GABBR2: variants seen among roughly 807,000 people sequenced by gnomAD.
The protein encoded by GABBR2 is gamma-aminobutyric acid type B receptor subunit 2.
A neutral mutation model predicts 105.6 loss-of-function variants in GABBR2; 23 were observed. The observed-to-expected ratio is 0.22, with a 90% CI of 0.16 to 0.31. The LOEUF is 0.31. Among genes scored for constraint, GABBR2 ranks in the 10% least tolerant of loss-of-function variants. The pLI is 1.00. For missense variants in GABBR2, 734 were observed against 1,245.5 expected (o/e 0.59, Z 6.18); for synonymous variants, 478 against 499.7 (o/e 0.96, Z 0.58).
intron 8 of GABBR2, among the ~76,000 whole-genome samples, chr9:98,394,485 C>T (rs920229736): frequency 6.6e-6 from 1 of 152,238 alleles, no homozygotes; most frequent in Non-Finnish European, 1.5e-5. Flanking sequence ...CTTTGCTTCA[C>T]ACCTCAAAGA....
At chr9:98,455,664 C>T (rs1160163566) in intron 6 of GABBR2, among the ~76,000 whole-genome samples, 1 of 152,210 alleles carries the variant, frequency 6.6e-6, no homozygotes, top group Non-Finnish European at 1.5e-5. Context: ...TTGAAAACCA[C>T]CACAAGTTGT....
At chr9:98,356,673 G>A (rs1044162464) in intron 13 of GABBR2, among the ~76,000 whole-genome samples, 1 of 152,160 alleles carries the variant, frequency 6.6e-6, no homozygotes, top group East Asian at 1.9e-4. Flanking sequence ...TTATCCAAAT[G>A]AATTGAAAAT....
At chr9:98,698,065 A>G (rs1267937111) in intron 1 of GABBR2, among the ~76,000 whole-genome samples, 2 of 152,238 alleles carry the variant, frequency 1.3e-5, no homozygotes, top group Non-Finnish European at 2.9e-5. Flanking sequence ...AGTCAAGTGG[A>G]TCATAAGAAG....
At chr9:98,576,473 T>C (rs1338868341) in intron 2 of GABBR2, among the ~76,000 whole-genome samples, 1 of 152,144 alleles carries the variant, frequency 6.6e-6, no homozygotes, top group African/African-American at 2.4e-5. Context: ...TCACTATATA[T>C]CTCATCACCC....
rs1473671543 is a variant in GABBR2 at position 98,293,849 on chromosome 9, A to G, written c.2596T>C (p.Trp866Arg). The stretch of plus-strand genomic sequence containing the variant: ...GTTCGAGAGGGCTCTGTTGTGTTCC[A>G]CTGTAGCTGGGGATTTTGATCGAGG... ...NHLDQNPQLQWNTTEPSRTCK... is the reference protein window; with the variant it reads ...NHLDQNPQLQRNTTEPSRTCK... The change falls in exon 18 of 19, where the codon TGG becomes CGG. Residue 866 changes from tryptophan to arginine, a missense_variant. Transcript: ENST00000259455. The G allele has an allele frequency of 6.2e-7, 1 of 1,613,334 alleles. No homozygotes were observed.
intron 8 of GABBR2, among the ~76,000 whole-genome samples, 186 bp downstream of exon 8, chr9:98,405,895 C>T (rs1450187728): frequency 2.7e-5 from 4 of 146,280 alleles, no homozygotes; most frequent in Non-Finnish European, 4.5e-5. Context: ...GATCATGATG[C>T]GGCTGAGAAA....
intron 1 of GABBR2, among the ~76,000 whole-genome samples, chr9:98,641,966 C>T (rs1829969108): frequency 6.6e-6 from 1 of 152,082 alleles, no homozygotes; most frequent in African/African-American, 2.4e-5. Context: ...AGAACAGGGG[C>T]GATTCGAGGA....
chr9:98,408,891 G>A (rs900900167), intron 7 of GABBR2, among the ~76,000 whole-genome samples: 29 of 152,276 alleles, frequency 1.9e-4, no homozygotes, highest in African/African-American at 5.1e-4. Context: ...GGGTTCAGGC[G>A]ACCCTCCTGC....
At chr9:98,659,763 C>T (rs1009638197) in intron 1 of GABBR2, among the ~76,000 whole-genome samples, 2 of 151,814 alleles carry the variant, frequency 1.3e-5, no homozygotes, top group Non-Finnish European at 2.9e-5. Flanking sequence ...TCAAGTGATC[C>T]GCCCACCTCG....
intron 7 of GABBR2, among the ~76,000 whole-genome samples, chr9:98,406,761 G>C (rs1832497770): frequency 6.6e-6 from 1 of 152,184 alleles, no homozygotes; most frequent in Non-Finnish European, 1.5e-5. Flanking sequence ...CCCTCATTAG[G>C]GACCTTGGGG....
chr9:98,643,229 C>T (rs1213091049), intron 1 of GABBR2, among the ~76,000 whole-genome samples: 2 of 152,226 alleles, frequency 1.3e-5, no homozygotes, highest in African/African-American at 4.8e-5. Flanking sequence ...CTGTGAGATC[C>T]TAGCAGAGGG....
At chr9:98,524,994 C>T (rs1827930984) in intron 3 of GABBR2, among the ~76,000 whole-genome samples, 1 of 152,164 alleles carries the variant, frequency 6.6e-6, no homozygotes, top group Non-Finnish European at 1.5e-5. Context: ...CCTTACCTCA[C>T]ACCAAATATA....
At chr9:98,630,450 T>A (rs570128901) in intron 1 of GABBR2, among the ~76,000 whole-genome samples, 1 of 152,194 alleles carries the variant, frequency 6.6e-6, no homozygotes, top group African/African-American at 2.4e-5. Flanking sequence ...TGTGGATACC[T>A]GGCATCAGGT....
chr9:98,352,373 G>A (rs975537779), intron 13 of GABBR2, among the ~76,000 whole-genome samples: 1 of 152,226 alleles, frequency 6.6e-6, no homozygotes, highest in African/African-American at 2.4e-5. Context: ...TGGCAGAAGA[G>A]GTGGCTGGTC....
chr9:98,587,472 A>T (rs1392555054), intron 1 of GABBR2, among the ~76,000 whole-genome samples: 2 of 152,210 alleles, frequency 1.3e-5, no homozygotes, highest in Non-Finnish European at 2.9e-5. Flanking sequence ...GAAAAAACCT[A>T]CTGGATAAAA....
intron 2 of GABBR2, among the ~76,000 whole-genome samples, chr9:98,571,758 A>G (rs1564118041): frequency 6.6e-6 from 1 of 152,118 alleles, no homozygotes; most frequent in Non-Finnish European, 1.5e-5. Context: ...CTTGGCCCAC[A>G]GGGAACTCAT....
chr9:98,595,372 C>T (rs1829219043), intron 1 of GABBR2, among the ~76,000 whole-genome samples: 1 of 151,666 alleles, frequency 6.6e-6, no homozygotes, highest in Non-Finnish European at 1.5e-5. Context: ...ACATATGACT[C>T]TTGGGGGAAA....
intron 3 of GABBR2, among the ~76,000 whole-genome samples, chr9:98,514,582 A>C (rs1352350498): frequency 1.4e-5 from 2 of 143,120 alleles, no homozygotes; most frequent in Non-Finnish European, 3.0e-5. Flanking sequence ...TCTCACTCAT[A>C]GGTGGGAATT....
At chr9:98,683,964 C>T (rs562696425) in intron 1 of GABBR2, among the ~76,000 whole-genome samples, 2 of 134,018 alleles carry the variant, frequency 1.5e-5, no homozygotes, top group African/African-American at 5.7e-5. Flanking sequence ...GCCGAGATCT[C>T]GCCACTGAAC....
Sources: gnomAD v4.1 joint callset for allele counts (sites outside exome capture counted in the v4.1 genomes callset) on GRCh38, gnomAD v4.1.1 for gene constraint, MANE v1.5 for transcripts, NCBI Gene and HGNC (gene_info 2026-07-23, HGNC 2026-07-21) for gene names.